The following SMYD3 variants were observed in gnomAD, a reference collection of about 807,000 sequenced individuals.
SMYD3 encodes SET and MYND domain containing 3, also known as histone-lysine N-methyltransferase SMYD3.
In SMYD3, 36 loss-of-function variants were observed where a neutral mutation model predicts 57.7. That is an observed-to-expected ratio of 0.62 (90% CI 0.48 to 0.82). The LOEUF (loss-of-function observed/expected upper bound fraction) is 0.82. Among genes scored for constraint, SMYD3 ranks in the 40% least tolerant of loss-of-function variants. The pLI is 0.00. For synonymous variants in SMYD3, 211 were observed against 195.0 expected (o/e 1.08, Z -0.68); for missense variants, 515 against 538.8 (o/e 0.96, Z 0.44).
rs112030641 is a variant in SMYD3, at chr1:245,879,534, G to A, written c.814-15648C>T. 5.9e-5 allele frequency among the ~76,000 whole-genome samples: 9 copies of A among 152,354 alleles called. 1 individual carries two copies. Among genetic ancestry groups the A allele is most frequent in the African/African-American group, 1.9e-4 (8 of 41,588 alleles). On this transcript the variant is annotated intron_variant, in intron 8 of 11. Transcript: ENST00000490107. ...AAGAGACAGAGTCGCTGCTTCAAGC[G>A]TGTGAGAAACATCAAGAGATCACAG... is the stretch of plus-strand genomic sequence containing the variant.
intron 1 of SMYD3, among the ~76,000 whole-genome samples, chr1:246,463,285 T>C (rs1036080449): frequency 6.6e-6 from 1 of 152,144 alleles, no homozygotes; most frequent in Non-Finnish European, 1.5e-5. Context: ...CAGGGATATA[T>C]GTATATTTGA....
At position 246,207,441 on chromosome 1, in the gene SMYD3, C is replaced by T. The variant is rs185317103; in HGVS notation, c.531+119760G>A. 3.3e-5 allele frequency among the ~76,000 whole-genome samples: 5 copies of T among 152,134 alleles called. No homozygotes were observed. The East Asian group carries it at 7.7e-4, about 24-fold the overall frequency. On this transcript the variant is annotated intron_variant, in intron 5 of 11. Coordinates refer to ENST00000490107, the MANE Select transcript of SMYD3 (RefSeq NM_001167740.2). ...TTAGCGCTCCAAGATGGAACTGGTA[C>T]GTGTCATCTTATTTCCATCTAAATA...
At chr1:246,155,999 A>AT (rs2062018156) in intron 5 of SMYD3, among the ~76,000 whole-genome samples, 1 of 151,998 alleles carries the variant, frequency 6.6e-6, no homozygotes, top group African/African-American at 2.4e-5. Context: ...AAAAAAAAAA[A>AT]ATATATCGAC....
At chr1:246,332,698 C>T (rs1201574552) in intron 3 of SMYD3, among the ~76,000 whole-genome samples, 2 of 152,210 alleles carry the variant, frequency 1.3e-5, no homozygotes, top group Admixed American at 1.3e-4. Flanking sequence ...GTCCCAGCTA[C>T]TGAGGAGGCT....
At chr1:246,070,655 G>T (rs2060427203) in intron 5 of SMYD3, among the ~76,000 whole-genome samples, 1 of 152,172 alleles carries the variant, frequency 6.6e-6, no homozygotes, top group Non-Finnish European at 1.5e-5. Context: ...AAAAGCAACA[G>T]AACAAAGTGA....
chr1:246,328,401 G>A (rs2065393821), intron 4 of SMYD3, among the ~76,000 whole-genome samples: 1 of 152,222 alleles, frequency 6.6e-6, no homozygotes, highest in East Asian at 1.9e-4. Context: ...AAGGTCATGT[G>A]TATGACACTA....
chr1:246,499,295 C>A (rs933613503), intron 1 of SMYD3, among the ~76,000 whole-genome samples: 25 of 151,684 alleles, frequency 1.6e-4, no homozygotes, highest in Non-Finnish European at 2.9e-5. Flanking sequence ...CAAAGCGAGA[C>A]TCTATCTCAA....
chr1:246,243,865 G>A (rs998739348), intron 5 of SMYD3, among the ~76,000 whole-genome samples: 6 of 151,630 alleles, frequency 4.0e-5, no homozygotes, highest in African/African-American at 1.2e-4. Flanking sequence ...CATTCTACAC[G>A]TTTTGTAAAA....
At chr1:246,313,919 C>G (rs1277664507) in intron 5 of SMYD3, among the ~76,000 whole-genome samples, 1 of 152,118 alleles carries the variant, frequency 6.6e-6, no homozygotes, top group Non-Finnish European at 1.5e-5. Context: ...ATCTGGAGGG[C>G]TCCTGAATAA....
At chr1:245,872,596 T>G (rs2052269343) in intron 8 of SMYD3, among the ~76,000 whole-genome samples, 1 of 152,180 alleles carries the variant, frequency 6.6e-6, no homozygotes, top group African/African-American at 2.4e-5. Context: ...CAAACAAAAA[T>G]GCTCGTGGTG....
At position 246,044,397 on chromosome 1, in the gene SMYD3, G is replaced by T. The variant is rs538288693; in HGVS notation, c.532-114460C>A. On this transcript the variant is annotated intron_variant, in intron 5 of 11. Transcript: ENST00000490107. ...ATGTCAAATGGAGATATCGCATGAT[G>T]TCTATTTTACCTTCAGAGAAATGTG... 6.6e-5 allele frequency among the ~76,000 whole-genome samples: 10 copies of T among 152,338 alleles called. No individual in the cohort carries two copies. In the South Asian group the frequency reaches 1.7e-3, roughly 25 times the overall value.
chr1:246,318,808 C>T (rs941415140), intron 5 of SMYD3, among the ~76,000 whole-genome samples: 3 of 152,200 alleles, frequency 2.0e-5, no homozygotes, highest in African/African-American at 7.2e-5. Flanking sequence ...TTGACCAACA[C>T]GGGTATAAAC....
intron 5 of SMYD3, among the ~76,000 whole-genome samples, chr1:246,235,143 G>A (rs946977369): frequency 5.3e-5 from 8 of 152,272 alleles, no homozygotes; most frequent in Middle Eastern, 3.4e-3. Flanking sequence ...TAATAGACCT[G>A]CCTCTAAGTA....
At chr1:245,956,848 T>C (rs550825862) in intron 5 of SMYD3, among the ~76,000 whole-genome samples, 113 of 152,394 alleles carry the variant, frequency 7.4e-4, no homozygotes, top group Middle Eastern at 3.4e-3. Context: ...TGCCATCCTT[T>C]GGTTTGAACA....
Position 246,507,178 on chromosome 1 carries a change from T to C in SMYD3, c.40A>G (p.Arg14Gly), listed in dbSNP as rs1250245592. The C allele has an allele frequency of 3.3e-6, 5 of 1,532,422 alleles. No homozygotes were observed. Among genetic ancestry groups the C allele is most frequent in the Non-Finnish European group, 4.4e-6 (5 of 1,139,670 alleles). The allele number at this position is 1,532,422 out of a possible 1,614,324, so 94.9% of individuals were successfully genotyped here. A position where few individuals can be genotyped will look rare whatever the true frequency, so the allele number is the denominator to read the frequency against. ...LKVEKFATAKRGNGLRAVTPL... is the reference protein window; with the variant it reads ...LKVEKFATAKGGNGLRAVTPL... ...GTCACGGCGCGCAGCCCGTTTCCCC[T>C]CTTGGCGGTTGCGAACTTTTCCACC... The change falls in exon 1 of 12, where the codon AGG becomes GGG. Residue 14 changes from arginine to glycine, a missense_variant. Physicochemically the swap from Arg to Gly is moderately radical, Grantham distance 125. Transcript: ENST00000490107.
At chr1:246,233,558 G>A (rs573809926) in intron 5 of SMYD3, among the ~76,000 whole-genome samples, 44 of 133,152 alleles carry the variant, frequency 3.3e-4, no homozygotes, top group African/African-American at 1.1e-3. Flanking sequence ...ACACAGTGAT[G>A]AACATATACC....
intron 10 of SMYD3, among the ~76,000 whole-genome samples, chr1:245,852,648 T>C (rs1237021501): frequency 1.3e-5 from 2 of 152,236 alleles, no homozygotes; most frequent in African/African-American, 4.8e-5. Flanking sequence ...TCATATCTTC[T>C]TTCCTTCTTC....
chr1:246,262,560 CT>C (rs570973966), intron 5 of SMYD3, among the ~76,000 whole-genome samples: 4 of 152,016 alleles, frequency 2.6e-5, no homozygotes, highest in Non-Finnish European at 5.9e-5. Flanking sequence ...CCATTTTGTT[CT>C]TCCTTTCAGT....
At chr1:246,485,161 A>C (rs975228240) in intron 1 of SMYD3, among the ~76,000 whole-genome samples, 3 of 152,112 alleles carry the variant, frequency 2.0e-5, no homozygotes. Flanking sequence ...CAAAATACCT[A>C]AACTATTGCA....
Sources: gnomAD v4.1 joint callset for allele counts (sites outside exome capture counted in the v4.1 genomes callset) on GRCh38, gnomAD v4.1.1 for gene constraint, MANE v1.5 for transcripts, NCBI Gene and HGNC (gene_info 2026-07-23, HGNC 2026-07-21) for gene names.